MCMBP: variants seen among roughly 807,000 people sequenced by gnomAD.
MCMBP encodes the protein minichromosome maintenance complex binding protein, also known as mini-chromosome maintenance complex-binding protein.
A neutral mutation model predicts 81.3 loss-of-function variants in MCMBP; 31 were observed. The observed-to-expected ratio is 0.38, with a 90% CI of 0.29 to 0.51. The LOEUF (loss-of-function observed/expected upper bound fraction) is 0.51. MCMBP is among the 20% of genes least tolerant of loss of function. The pLI is 0.87. For missense variants in MCMBP, 645 were observed against 772.1 expected (o/e 0.84, Z 1.95); for synonymous variants, 267 against 275.9 (o/e 0.97, Z 0.32).
At chr10:119,836,781 T>G (rs1288992016) in intron 13 of MCMBP, 115 bp downstream of exon 13, 9 of 141,286 alleles carry the variant, frequency 6.4e-5, no homozygotes, top group East Asian at 1.9e-4. Context: ...TTTTTTTTTT[T>G]TTTTTTTTTT....
At chr10:119,846,409 T>C (rs1852622598) in intron 8 of MCMBP, among the ~76,000 whole-genome samples, 1 of 152,092 alleles carries the variant, frequency 6.6e-6, no homozygotes, top group Non-Finnish European at 1.5e-5. Context: ...CGTTAGAAAA[T>C]TGCCAACAAA....
chr10:119,852,744 C>T (rs1416734012), intron 6 of MCMBP, among the ~76,000 whole-genome samples: 1 of 152,122 alleles, frequency 6.6e-6, no homozygotes, highest in Non-Finnish European at 1.5e-5. Context: ...AAAAATAACT[C>T]ATTTTTAGGG....
intron 5 of MCMBP, among the ~76,000 whole-genome samples, chr10:119,856,223 G>A (rs541809864): frequency 6.6e-6 from 1 of 152,108 alleles, no homozygotes; most frequent in African/African-American, 2.4e-5. Flanking sequence ...TCCATCTCAA[G>A]AAAACAAAAA....
chr10:119,864,534 C>CT (rs34280240), intron 1 of MCMBP, among the ~76,000 whole-genome samples: 8,972 of 129,782 alleles, frequency 0.069, 398 homozygotes, highest in South Asian at 0.28. Flanking sequence ...ATTTGTTTTC[C>CT]TTTTTTTTTT....
intron 5 of MCMBP, 143 bp downstream of exon 5, chr10:119,857,191 ATACT>A (rs1853084140): frequency 1.3e-5 from 7 of 522,802 alleles, no homozygotes; most frequent in Non-Finnish European, 2.4e-5. Flanking sequence ...TCAGTGACAA[ATACT>A]TAGCCCGTTT....
intron 1 of MCMBP, among the ~76,000 whole-genome samples, chr10:119,869,902 T>C (rs927623172): frequency 6.6e-6 from 1 of 152,248 alleles, no homozygotes; most frequent in African/African-American, 2.4e-5. Context: ...AACTTCCTGA[T>C]GTTAGGAATA....
chr10:119,858,797 T>C (rs892613637), intron 4 of MCMBP, 87 bp downstream of exon 4: 3 of 992,380 alleles, frequency 3.0e-6, no homozygotes, highest in Non-Finnish European at 4.5e-6. Context: ...ATACACAAGA[T>C]AAATAAATTT....
chr10:119,853,986 C>T (rs539067120), intron 5 of MCMBP, among the ~76,000 whole-genome samples: 76 of 152,154 alleles, frequency 5.0e-4, no homozygotes, highest in African/African-American at 1.8e-3. Flanking sequence ...GACCACTCAG[C>T]CCAGGAAGTT....
chr10:119,848,131 C>A (rs2134365456), intron 7 of MCMBP, among the ~76,000 whole-genome samples: 2 of 147,126 alleles, frequency 1.4e-5, no homozygotes, highest in Admixed American at 6.8e-5. Flanking sequence ...CGGATTAACA[C>A]AAAACTTGGA....
chr10:119,849,412 A>C lies in MCMBP; in HGVS notation c.726+13T>G, dbSNP rs1476950920. Reference sequence around the variant, plus strand: ...TAACATTTCAGTGTTGGATCTACGAAAGGTTTTATTACCTTCACAAGGCAT... The same window carrying C: ...TAACATTTCAGTGTTGGATCTACGACAGGTTTTATTACCTTCACAAGGCAT... On this transcript the variant is annotated intron_variant, in intron 7 of 15. Transcript: ENST00000369077. 7.5e-6 allele frequency: 12 copies of C among 1,598,740 alleles called. No individual in the cohort carries two copies. Among genetic ancestry groups the C allele is most frequent in the Admixed American group, 1.8e-5 (1 of 55,252 alleles).
rs1425735297 is a variant in MCMBP at position 119,867,862 on chromosome 10, G to C, written c.58+4665C>G. ...GTGGCCTACCAAGGACAGAGTGGTA[G>C]AAGAGGTCCAAGCTGGGTACAGACA... On this transcript the variant is annotated intron_variant, in intron 1 of 15. Transcript: ENST00000369077. Among the ~76,000 whole-genome samples the C allele has an allele frequency of 4.6e-5, 7 of 152,304 alleles. No homozygotes were observed. The East Asian group carries it at 1.2e-3, about 25-fold the overall frequency.
Position 119,872,646 on chromosome 10 carries a change from G to GGGCGGCC in MCMBP, c.-69_-63dup. On this transcript the variant is annotated 5_prime_UTR_variant, in exon 1 of 16. Coordinates refer to ENST00000369077, the MANE Select transcript of MCMBP (RefSeq NM_001256378.2). ...GGCGATCCGCGGGCCGAGCGCGGCC[G>GGGCGGCC]GGCGGCCGGCGCCCAGCTCCTCTTC... 1 of 980,080 alleles carries GGGCGGCC rather than the reference G, an allele frequency of 1.0e-6. No individual in the cohort carries two copies. The highest frequency in any genetic ancestry group is 1.3e-6 in the Non-Finnish European group (1 of 784,134). The allele number at this position is 980,080 out of a possible 1,614,324, so 60.7% of individuals were successfully genotyped here.
chr10:119,862,707 G>C (rs1853305026), intron 1 of MCMBP, among the ~76,000 whole-genome samples: 1 of 152,142 alleles, frequency 6.6e-6, no homozygotes, highest in Non-Finnish European at 1.5e-5. Flanking sequence ...TGAGTATCTA[G>C]ATATGACACA....
chr10:119,873,066 G>GT (rs1409917040), upstream of MCMBP, among the ~76,000 whole-genome samples: 3 of 152,020 alleles, frequency 2.0e-5, no homozygotes, highest in Non-Finnish European at 4.4e-5. Context: ...GCGCGTTGTC[G>GT]TTTGTACCCC....
chr10:119,865,119 GTAA>G (rs1234967458), intron 1 of MCMBP, among the ~76,000 whole-genome samples: 2 of 140,106 alleles, frequency 1.4e-5, no homozygotes, highest in African/African-American at 4.9e-5. Context: ...GAGAGGAGTA[GTAA>G]AATATCTAAC....
rs941712616 is a variant in MCMBP at position 119,851,684 on chromosome 10, C to T, written c.574+1366G>A. ...ATTAATTTTAATATATTCTGGGGAT[C>T]GGTGGAGAAAAAGAATACTACGACA... On this transcript the variant is annotated intron_variant, in intron 6 of 15. Transcript: ENST00000369077. 1.1e-4 allele frequency among the ~76,000 whole-genome samples: 16 copies of T among 151,750 alleles called. No individual in the cohort carries two copies. The East Asian group carries it at 2.3e-3, about 22-fold the overall frequency.
chr10:119,871,296 G>A (rs981803534), intron 1 of MCMBP, among the ~76,000 whole-genome samples: 2 of 151,604 alleles, frequency 1.3e-5, no homozygotes, highest in African/African-American at 2.4e-5. Flanking sequence ...ATTTAGTGGA[G>A]AAATATATGC....
In MCMBP at chr10:119,859,898, A is replaced by G. The variant is rs1853190039; in HGVS notation, c.59-14T>C. On this transcript the variant is annotated splice_polypyrimidine_tract_variant and intron_variant, in intron 1 of 15. Coordinates refer to ENST00000369077, the MANE Select transcript of MCMBP (RefSeq NM_001256378.2). The stretch of plus-strand genomic sequence containing the variant: ...CTCCATTTTGGGCTGAAAGAGAAAT[A>G]TACTTTTCAAAGCTAATGTACATGC... 1 of 1,587,092 alleles carries G rather than the reference A, an allele frequency of 6.3e-7. No homozygotes were observed. Among genetic ancestry groups the G allele is most frequent in the African/African-American group, 1.3e-5 (1 of 74,184 alleles).
intron 6 of MCMBP, 148 bp downstream of exon 6, chr10:119,852,902 C>A (rs776215318): frequency 5.4e-6 from 5 of 934,124 alleles, no homozygotes; most frequent in Non-Finnish European, 8.2e-6. Flanking sequence ...ACAGTCTCAT[C>A]AGAGTACTGT....
Sources: allele counts gnomAD v4.1 joint callset (sites outside exome capture counted in the v4.1 genomes callset), GRCh38; gene constraint gnomAD v4.1.1; transcripts MANE v1.5; gene names NCBI Gene and HGNC (gene_info 2026-07-23, HGNC 2026-07-21).